Variants in TMPRSS13 observed in about 807,000 individuals in gnomAD.
TMPRSS13 encodes the protein transmembrane serine protease 13.
In TMPRSS13, 50 loss-of-function variants were observed where a neutral mutation model predicts 68.4. That is an observed-to-expected ratio of 0.73 (90% CI 0.58 to 0.93). The LOEUF (loss-of-function observed/expected upper bound fraction) is 0.93, where lower values mean the gene tolerates loss of function less well. TMPRSS13 is among the 40% of genes least tolerant of loss of function. The pLI is 0.00. For synonymous variants in TMPRSS13, 267 were observed against 285.8 expected (o/e 0.93, Z 0.66); for missense variants, 615 against 729.2 (o/e 0.84, Z 1.80).
At chr11:117,916,833 T>C (rs1320211364) in intron 3 of TMPRSS13, among the ~76,000 whole-genome samples, 1 of 152,188 alleles carries the variant, frequency 6.6e-6, no homozygotes, top group Non-Finnish European at 1.5e-5. Flanking sequence ...ACGGGACACA[T>C]AGTAATGAAA....
In TMPRSS13 at chr11:117,914,520, G is replaced by C; in HGVS notation, c.557-6C>G. On this transcript the variant is annotated splice_polypyrimidine_tract_variant and splice_region_variant and intron_variant, in intron 3 of 12. Coordinates refer to ENST00000524993, the MANE Select transcript of TMPRSS13 (RefSeq NM_001077263.3). This position sits in a 1 kb window ranked among gnomAD's most constrained non-coding sequence, Gnocchi z 4.2. Reference sequence around the variant, plus strand: ...GTGGCCCTGCCAGAACTGGACTAGAGAAAAAGAAGCAGACAGCTGGGTCAT... The same window carrying C: ...GTGGCCCTGCCAGAACTGGACTAGACAAAAAGAAGCAGACAGCTGGGTCAT... 1.9e-6 allele frequency: 3 copies of C among 1,613,714 alleles called. No individual in the cohort carries two copies. Among genetic ancestry groups the C allele is most frequent in the South Asian group, 2.2e-5 (2 of 91,066 alleles).
chr11:117,926,521 C>T (rs1401737372), intron 1 of TMPRSS13, among the ~76,000 whole-genome samples: 1 of 152,196 alleles, frequency 6.6e-6, no homozygotes, highest in South Asian at 2.1e-4. Context: ...GAAGAAGGCC[C>T]AGTATAAGAA....
intron 9 of TMPRSS13, 74 bp downstream of exon 9, chr11:117,908,538 T>C (rs773827528): frequency 6.6e-7 from 1 of 1,504,546 alleles, no homozygotes; most frequent in Non-Finnish European, 9.0e-7. Flanking sequence ...AGTTGACAGA[T>C]GCTGACAAGT....
intron 1 of TMPRSS13, among the ~76,000 whole-genome samples, chr11:117,919,498 G>A (rs2057621541): frequency 1.3e-5 from 2 of 152,354 alleles, no homozygotes; most frequent in Admixed American, 6.5e-5. Flanking sequence ...CTTCCCTCCT[G>A]GGGTGGCCTG....
chr11:117,912,515 C>T (rs770372968), intron 5 of TMPRSS13, among the ~76,000 whole-genome samples: 18 of 152,216 alleles, frequency 1.2e-4, no homozygotes, highest in East Asian at 3.8e-4. Context: ...TTCACAAGCA[C>T]GGCGGGTGAT....
intron 5 of TMPRSS13, among the ~76,000 whole-genome samples, chr11:117,913,504 G>C (rs919967110): frequency 3.3e-5 from 5 of 152,214 alleles, no homozygotes; most frequent in African/African-American, 1.2e-4. Flanking sequence ...TAATGGATGT[G>C]AGCGTGCTTT....
intron 5 of TMPRSS13, 144 bp from the exon 6 acceptor site, chr11:117,912,004 G>GCTAAGCCC: frequency 1.6e-6 from 1 of 643,418 alleles, no homozygotes; most frequent in East Asian, 2.8e-5. Flanking sequence ...CCAAGCAGCA[G>GCTAAGCCC]CTAAGCCCCA....
Position 117,922,192 on chromosome 11 carries a change from T to A in TMPRSS13, c.22-3354A>T, listed in dbSNP as rs1408164056. ...TGATCTCACCCTCAGAGTAGAGGCCTTCAGCAGCTGGGGAATAGGAAGGGG... is the reference window on the plus strand; with the variant it reads ...TGATCTCACCCTCAGAGTAGAGGCCATCAGCAGCTGGGGAATAGGAAGGGG... On this transcript the variant is annotated intron_variant, in intron 1 of 12. Coordinates refer to ENST00000524993, the MANE Select transcript of TMPRSS13 (RefSeq NM_001077263.3). The surrounding 1 kb of genome is among the most constrained non-coding windows in gnomAD (Gnocchi z 4.2). 1.3e-5 allele frequency among the ~76,000 whole-genome samples: 2 copies of A among 152,186 alleles called. No individual in the cohort carries two copies. The highest frequency in any genetic ancestry group is 4.8e-5 in the African/African-American group (2 of 41,454).
chr11:117,913,145 T>C (rs755296454), intron 5 of TMPRSS13, among the ~76,000 whole-genome samples: 31 of 152,160 alleles, frequency 2.0e-4, no homozygotes, highest in Non-Finnish European at 1.9e-4. Flanking sequence ...AGACTACCCA[T>C]CTGGAAAACT....
chr11:117,916,395 CT>C (rs2057578477), intron 3 of TMPRSS13, among the ~76,000 whole-genome samples: 1 of 152,278 alleles, frequency 6.6e-6, no homozygotes, highest in Admixed American at 6.5e-5. Context: ...GGCCCCACAG[CT>C]GTAAGAAGCT....
At chr11:117,905,554 CCAGA>C in intron 10 of TMPRSS13, 80 bp downstream of exon 10, 1 of 1,203,038 alleles carries the variant, frequency 8.3e-7, no homozygotes, top group Non-Finnish European at 1.2e-6. Context: ...ATCTGTATAC[CCAGA>C]CACATTGCTT....
At chr11:117,907,749 C>A (rs2057477832) in intron 9 of TMPRSS13, 1 of 960,600 alleles carries the variant, frequency 1.0e-6, no homozygotes, top group South Asian at 4.8e-5. Flanking sequence ...CCCGCCTATG[C>A]CACCATAGCT....
chr11:117,925,030 C>T (rs897557149), intron 1 of TMPRSS13, among the ~76,000 whole-genome samples: 4 of 152,182 alleles, frequency 2.6e-5, no homozygotes, highest in African/African-American at 7.2e-5. Flanking sequence ...ACAGTCACAT[C>T]CTTCTCTGGG....
In TMPRSS13 at chr11:117,908,715, C is replaced by G. The variant is rs925937363; in HGVS notation, c.1179G>C (p.Glu393Asp). ...AGTSNLHQLP[E>D]AASIAEIIIN... is the part of the protein sequence containing the mutation. The stretch of plus-strand genomic sequence containing the variant: ...TGATGATCTCGGCAATGGAGGCTGC[C>G]TCAGGCAACTGGTGCAGGTTGCTGG... The change falls in exon 9 of 13, where the codon GAG (glutamate) becomes GAC (aspartate). Residue 393 changes from glutamate to aspartate, a missense_variant. Transcript: ENST00000524993. 6 of 1,608,012 alleles carry G rather than the reference C, an allele frequency of 3.7e-6. No homozygotes were observed. The highest frequency in any genetic ancestry group is 4.2e-6 in the Non-Finnish European group (5 of 1,178,122).
At chr11:117,917,336 G>T in intron 2 of TMPRSS13, 62 bp from the exon 3 acceptor site, 2 of 1,350,896 alleles carry the variant, frequency 1.5e-6, no homozygotes, top group Non-Finnish European at 2.1e-6. Flanking sequence ...AGATGGAGAG[G>T]GTGGGGGAAA....
rs769764248 is a variant in TMPRSS13 at position 117,905,749 on chromosome 11, C to T, written c.1283-13G>A. On this transcript the variant is annotated splice_polypyrimidine_tract_variant and intron_variant, in intron 9 of 12. Coordinates refer to ENST00000524993, the MANE Select transcript of TMPRSS13 (RefSeq NM_001077263.3). ...GGGTGGATGTGAGCTGCAACAAGAC[C>T]TCCAGACGTCAGTGAAGGAACAAGG... is the stretch of plus-strand genomic sequence containing the variant. The T allele has an allele frequency of 6.3e-7, 1 of 1,582,306 alleles. No individual in the cohort carries two copies. The highest frequency in any genetic ancestry group is 1.8e-5 in the Admixed American group (1 of 56,824).
At chr11:117,918,386 C>T in intron 2 of TMPRSS13, 23 bp downstream of exon 2, 1 of 1,608,354 alleles carries the variant, frequency 6.2e-7, no homozygotes. Context: ...TCTCTCGTGG[C>T]TTCCCTACAG....
rs1464062010 is a variant in TMPRSS13, at chr11:117,914,717, A to G, written c.557-203T>C. Among the ~76,000 whole-genome samples the G allele has an allele frequency of 6.6e-6, 1 of 152,134 alleles. No homozygotes were observed. Among genetic ancestry groups the G allele is most frequent in the Non-Finnish European group, 1.5e-5 (1 of 68,010 alleles). On this transcript the variant is annotated intron_variant, in intron 3 of 12. Coordinates refer to ENST00000524993, the MANE Select transcript of TMPRSS13 (RefSeq NM_001077263.3). This position sits in a 1 kb window ranked among gnomAD's most constrained non-coding sequence, Gnocchi z 4.2. ...AGAAAGCTCCTGCAAGCAGGGCAGC[A>G]CCAGGCAGATTCAAGCAGCCAGCCA... is the stretch of plus-strand genomic sequence containing the variant.
chr11:117,903,636 C>T lies in TMPRSS13; in HGVS notation c.1677+19G>A, dbSNP rs1196839939. The stretch of plus-strand genomic sequence containing the variant: ...GTTCCCAGCCTGCTGGGTGCAGTGT[C>T]CTGCTGCAGGGATCTTACCTCCATC... On this transcript the variant is annotated intron_variant, in intron 12 of 12. Coordinates refer to ENST00000524993, the MANE Select transcript of TMPRSS13 (RefSeq NM_001077263.3). 6.2e-7 allele frequency: 1 copy of T among 1,613,926 alleles called. No homozygotes were observed. The highest frequency in any genetic ancestry group is 8.5e-7 in the Non-Finnish European group (1 of 1,179,974).
Sources: allele counts gnomAD v4.1 joint callset (sites outside exome capture counted in the v4.1 genomes callset), GRCh38; gene constraint gnomAD v4.1.1; non-coding constraint Gnocchi (gnomAD v3.1); transcripts MANE v1.5; gene names NCBI Gene and HGNC (gene_info 2026-07-23, HGNC 2026-07-21).